The following TRRAP variants were observed in gnomAD, a reference collection of about 807,000 sequenced individuals.
TRRAP encodes transformation/transcription domain associated protein, also known as transformation/transcription domain-associated protein.
Under a neutral mutation model 438.8 loss-of-function variants are expected in TRRAP, and 41 were observed. That is an observed-to-expected ratio of 0.09 (90% CI 0.07 to 0.12). TRRAP has a LOEUF of 0.12. Ranked by LOEUF, TRRAP falls within the 10% of genes least tolerant of loss-of-function variation. The pLI is 1.00. For missense variants in TRRAP, 3,122 were observed against 5,055.1 expected, an observed-to-expected ratio of 0.62 and a Z score of 11.60; for synonymous variants, 1,994 against 1,962.9, an observed-to-expected ratio of 1.02 and a Z score of -0.42.
At chr7:98,984,546 A>G (rs921599780) in intron 61 of TRRAP, among the ~76,000 whole-genome samples, 188 bp downstream of exon 61, 1 of 152,202 alleles carries the variant, frequency 6.6e-6, no homozygotes, top group Non-Finnish European at 1.5e-5. Flanking sequence ...TTGACTGTGA[A>G]TTACAGTCTC....
rs954306770 is a variant in TRRAP at position 98,908,562 on chromosome 7, C to G, written c.1116-166C>G. On this transcript the variant is annotated intron_variant, in intron 13 of 72. Transcript: ENST00000456197. The surrounding 1 kb of genome is among the most constrained non-coding windows in gnomAD (Gnocchi z 4.1). Reference sequence around the variant, plus strand: ...GGAGGTATCAGTACAAAACTTGAGCCCTCTTCTGTCATGTATCTGGGAGAG... The same window carrying G: ...GGAGGTATCAGTACAAAACTTGAGCGCTCTTCTGTCATGTATCTGGGAGAG... Among the ~76,000 whole-genome samples the G allele has an allele frequency of 6.6e-6, 1 of 151,900 alleles. No individual in the cohort carries two copies. Among genetic ancestry groups the G allele is most frequent in the Non-Finnish European group, 1.5e-5 (1 of 68,024 alleles).
intron 53 of TRRAP, among the ~76,000 whole-genome samples, chr7:98,973,506 C>T (rs1161763185): frequency 1.3e-5 from 2 of 152,178 alleles, no homozygotes; most frequent in Non-Finnish European, 2.9e-5. Flanking sequence ...TGTCTTGGCT[C>T]AGTTGGTCAC....
intron 45 of TRRAP, 39 bp from the exon 46 acceptor site, chr7:98,961,222 T>A (rs1319633356): frequency 1.2e-6 from 2 of 1,600,428 alleles, no homozygotes; most frequent in Non-Finnish European, 1.7e-6. Context: ...TCATTGAGTG[T>A]TTGTTTCCTC....
At position 98,882,084 on chromosome 7, in the gene TRRAP, G is replaced by A. The variant is rs6963893; in HGVS notation, c.150+60G>A. ...GGTAAATATTCTTATTCACTTTCCT[G>A]TCCTGCTTTGTCAGTCTTTTTACTA... On this transcript the variant is annotated intron_variant, in intron 3 of 72. Coordinates refer to ENST00000456197, the MANE Select transcript of TRRAP (RefSeq NM_001375524.1). The A allele has an allele frequency of 6.1e-3, 8,548 of 1,400,722 alleles. 394 individuals are homozygous for A. The African/African-American group carries it at 0.1, about 17-fold the overall frequency. 86.8% of individuals were successfully genotyped at this position (1,400,722 alleles called of 1,614,324 possible).
intron 40 of TRRAP, 31 bp from the exon 41 acceptor site, chr7:98,955,067 A>G: frequency 1.0e-5 from 16 of 1,587,814 alleles, no homozygotes; most frequent in Non-Finnish European, 1.3e-5. Flanking sequence ...CTTCCTTCTC[A>G]TCCTCCATAA....
intron 12 of TRRAP, 98 bp from the exon 13 acceptor site, chr7:98,906,079 C>A: frequency 1.1e-6 from 1 of 910,808 alleles, no homozygotes; most frequent in Non-Finnish European, 1.6e-6. Flanking sequence ...GATTGCATAT[C>A]AGACTGGCGG....
intron 12 of TRRAP, among the ~76,000 whole-genome samples, chr7:98,904,479 G>T (rs1047399251): frequency 9.7e-6 from 1 of 102,746 alleles, no homozygotes; most frequent in Admixed American, 1.3e-4. Flanking sequence ...GCAAGACTCT[G>T]TCTCAAAAAA....
intron 21 of TRRAP, 39 bp from the exon 22 acceptor site, chr7:98,925,073 T>C: frequency 6.3e-7 from 1 of 1,577,078 alleles, no homozygotes; most frequent in Non-Finnish European, 8.6e-7. Flanking sequence ...ATCATGTAAT[T>C]TCAGCACAAA....
intron 3 of TRRAP, among the ~76,000 whole-genome samples, chr7:98,885,779 G>C (rs1187488125): frequency 1.3e-5 from 2 of 152,202 alleles, no homozygotes; most frequent in Admixed American, 1.3e-4. Context: ...GTTTGTTGGA[G>C]AGGCTGAAAT....
chr7:98,911,637 A>G (rs1231693611), intron 17 of TRRAP, among the ~76,000 whole-genome samples: 4 of 152,074 alleles, frequency 2.6e-5, no homozygotes, highest in Non-Finnish European at 5.9e-5. Context: ...GTGGTGGCAC[A>G]CACCTGTAGT....
At position 98,964,802 on chromosome 7, in the gene TRRAP, T is replaced by C. The variant is rs969092379; in HGVS notation, c.6976+27T>C. 4 of 1,602,266 alleles carry C rather than the reference T, an allele frequency of 2.5e-6. No homozygotes were observed. In the African/African-American group the frequency reaches 4.0e-5, roughly 16 times the overall value. ...TGATGTGCTGGCCACCGGGGGCCTTTCCTCAGACTCTGTTGAACAGAGAAC... is the reference window on the plus strand; with the variant it reads ...TGATGTGCTGGCCACCGGGGGCCTTCCCTCAGACTCTGTTGAACAGAGAAC... On this transcript the variant is annotated intron_variant, in intron 48 of 72. Transcript: ENST00000456197.
chr7:98,904,255 G>T (rs1796611929), intron 12 of TRRAP, among the ~76,000 whole-genome samples: 2 of 152,036 alleles, frequency 1.3e-5, no homozygotes, highest in South Asian at 4.2e-4. Flanking sequence ...AGGCCGAGGC[G>T]AGCGGATCAC....
At chr7:99,009,880 C>CT (rs138174570) in intron 70 of TRRAP, among the ~76,000 whole-genome samples, 1,224 of 96,656 alleles carry the variant, frequency 0.013, 31 homozygotes, top group East Asian at 0.045. Context: ...TCATTCTTCT[C>CT]TTTTTTTTTT....
intron 39 of TRRAP, among the ~76,000 whole-genome samples, chr7:98,952,849 C>T (rs370552693): frequency 2.6e-5 from 4 of 152,298 alleles, no homozygotes; most frequent in African/African-American, 9.6e-5. Flanking sequence ...GTTAACCTTT[C>T]ATCTGTAGCT....
In TRRAP at chr7:98,927,383, G is replaced by A. The variant is rs781976159; in HGVS notation, c.3175+17G>A. ...AGCAGTGTGGTGAGCACGGGGGCAC[G>A]GTGGGGCACGGGATTGGTTCTTTGA... On this transcript the variant is annotated intron_variant, in intron 23 of 72. Coordinates refer to ENST00000456197, the MANE Select transcript of TRRAP (RefSeq NM_001375524.1). The A allele has an allele frequency of 2.2e-5, 35 of 1,613,276 alleles. No homozygotes were observed. The Admixed American group carries it at 2.5e-4, about 12-fold the overall frequency.
intron 70 of TRRAP, among the ~76,000 whole-genome samples, 192 bp downstream of exon 70, chr7:99,008,753 TGTC>T (rs1794306824): frequency 1.3e-5 from 2 of 152,228 alleles, no homozygotes; most frequent in African/African-American, 2.4e-5. Context: ...AGAGGACACT[TGTC>T]GTGGACGGTT....
Position 98,908,660 on chromosome 7 carries a change from C to A in TRRAP, c.1116-68C>A, listed in dbSNP as rs184484289. ...GTGTTCCTGGGGCAGATGGTGATAT[C>A]CTTGGTGGCCTGCTGCAGCAGGCAT... is the stretch of plus-strand genomic sequence containing the variant. On this transcript the variant is annotated intron_variant, in intron 13 of 72. Coordinates refer to ENST00000456197, the MANE Select transcript of TRRAP (RefSeq NM_001375524.1). The surrounding 1 kb of genome is among the most constrained non-coding windows in gnomAD (Gnocchi z 4.1). The A allele has an allele frequency of 5.1e-3, 7,345 of 1,434,020 alleles. 34 individuals carry two copies. Among genetic ancestry groups the A allele is most frequent in the Non-Finnish European group, 5.9e-3 (6,278 of 1,057,682 alleles). 88.8% of individuals were successfully genotyped at this position (1,434,020 alleles called of 1,614,324 possible).
At chr7:98,931,306 C>T (rs1236000043) in intron 25 of TRRAP, 99 bp from the exon 26 acceptor site, 3 of 1,524,944 alleles carry the variant, frequency 2.0e-6, no homozygotes, top group Non-Finnish European at 2.6e-6. Flanking sequence ...AGGGCATGGA[C>T]CCCAGTGACA....
At chr7:98,982,016 C>A in intron 59 of TRRAP, 56 bp downstream of exon 59, 2 of 1,445,984 alleles carry the variant, frequency 1.4e-6, no homozygotes, top group East Asian at 2.6e-5. Context: ...AGCCAAGCGC[C>A]GGTGTCCAGG....
Sources: allele counts gnomAD v4.1 joint callset (sites outside exome capture counted in the v4.1 genomes callset), GRCh38; gene constraint gnomAD v4.1.1; non-coding constraint Gnocchi (gnomAD v3.1); transcripts MANE v1.5; gene names NCBI Gene and HGNC (gene_info 2026-07-23, HGNC 2026-07-21).